The following SNTB1 variants were observed in gnomAD, a reference collection of about 807,000 sequenced individuals.
SNTB1 encodes syntrophin beta 1, also known as beta-1-syntrophin.
A neutral mutation model predicts 48.9 loss-of-function variants in SNTB1; 36 were observed. The observed-to-expected ratio is 0.74, with a 90% CI of 0.56 to 0.97. SNTB1 has a LOEUF of 0.97. SNTB1 is among the 50% of genes least tolerant of loss of function. The pLI, the probability that SNTB1 is intolerant of heterozygous loss-of-function variation, is 0.00. For synonymous variants in SNTB1, 299 were observed against 294.6 expected, an observed-to-expected ratio of 1.01 and a Z score of -0.15; for missense variants, 786 against 703.4, an observed-to-expected ratio of 1.12 and a Z score of -1.33.
At chr8:120,737,312 T>C (rs1014252624) in intron 1 of SNTB1, among the ~76,000 whole-genome samples, 24 of 152,078 alleles carry the variant, frequency 1.6e-4, no homozygotes, top group Non-Finnish European at 3.1e-4. Context: ...ATAAATTATA[T>C]ACAGCATGAA....
chr8:120,750,495 T>C (rs140449426), intron 1 of SNTB1, among the ~76,000 whole-genome samples: 44 of 152,300 alleles, frequency 2.9e-4, no homozygotes, highest in Middle Eastern at 3.4e-3. Flanking sequence ...CAAATTTGTC[T>C]TTTCATATTC....
chr8:120,551,301 T>C (rs1815476076), intron 4 of SNTB1, among the ~76,000 whole-genome samples: 1 of 149,412 alleles, frequency 6.7e-6, no homozygotes, highest in South Asian at 2.1e-4. Flanking sequence ...TGAGGTGCCA[T>C]GGTGTAATGG....
chr8:120,705,022 CTTCT>C (rs1818358665), intron 1 of SNTB1, among the ~76,000 whole-genome samples: 1 of 152,174 alleles, frequency 6.6e-6, no homozygotes. Context: ...GAGAGAAGTC[CTTCT>C]CTTTGCCTCC....
chr8:120,573,446 C>A (rs1018530126), intron 4 of SNTB1, among the ~76,000 whole-genome samples: 1 of 152,006 alleles, frequency 6.6e-6, no homozygotes, highest in Non-Finnish European at 1.5e-5. Flanking sequence ...TGGATATTAA[C>A]CTTTAATTAG....
intron 1 of SNTB1, among the ~76,000 whole-genome samples, chr8:120,780,147 C>G (rs1819810455): frequency 6.6e-6 from 1 of 150,768 alleles, no homozygotes; most frequent in South Asian, 2.1e-4. Flanking sequence ...TATCACAAAG[C>G]CAACAAGGCA....
rs1482134099 is a variant in SNTB1 at position 120,743,042 on chromosome 8, A to G, written c.572-49134T>C. Among the ~76,000 whole-genome samples the G allele has an allele frequency of 2.0e-5, 3 of 152,222 alleles. No individual in the cohort carries two copies. The East Asian group carries it at 5.8e-4, about 29-fold the overall frequency. ...TATTTAGAAAAAAGTAAAGTGAGGT[A>G]GGAGTCTACTGCAGGGAGCTCTCTG... is the stretch of plus-strand genomic sequence containing the variant. On this transcript the variant is annotated intron_variant, in intron 1 of 6. Coordinates refer to ENST00000517992, the MANE Select transcript of SNTB1 (RefSeq NM_021021.4).
intron 1 of SNTB1, among the ~76,000 whole-genome samples, chr8:120,719,881 C>T (rs1042373708): frequency 7.2e-5 from 11 of 152,234 alleles, no homozygotes; most frequent in African/African-American, 2.7e-4. Context: ...TTCTGTCTCT[C>T]ATGAAGAATT....
At chr8:120,672,696 A>T (rs537346518) in intron 2 of SNTB1, among the ~76,000 whole-genome samples, 1 of 152,364 alleles carries the variant, frequency 6.6e-6, no homozygotes, top group South Asian at 2.1e-4. Context: ...TATCAGAGCC[A>T]TTCAATCCAT....
intron 1 of SNTB1, among the ~76,000 whole-genome samples, chr8:120,788,080 C>A (rs1258775792): frequency 6.6e-6 from 1 of 152,086 alleles, no homozygotes; most frequent in African/African-American, 2.4e-5. Context: ...TCTTTAGTCT[C>A]CTTAAATAGA....
At chr8:120,750,747 A>G (rs1208665853) in intron 1 of SNTB1, among the ~76,000 whole-genome samples, 1 of 152,182 alleles carries the variant, frequency 6.6e-6, no homozygotes, top group Admixed American at 6.6e-5. Context: ...AGAGATAAGA[A>G]AGAGAAGAGG....
At chr8:120,664,870 C>T (rs1587072936) in intron 2 of SNTB1, among the ~76,000 whole-genome samples, 1 of 152,070 alleles carries the variant, frequency 6.6e-6, no homozygotes, top group Non-Finnish European at 1.5e-5. Flanking sequence ...AGTGACTGTA[C>T]CATTTTTCAT....
At chr8:120,781,787 G>C (rs1165021832) in intron 1 of SNTB1, among the ~76,000 whole-genome samples, 1 of 152,198 alleles carries the variant, frequency 6.6e-6, no homozygotes, top group African/African-American at 2.4e-5. Context: ...CATTAGAAAT[G>C]TCTAATGTTA....
intron 3 of SNTB1, among the ~76,000 whole-genome samples, chr8:120,612,085 G>A (rs1816636053): frequency 6.6e-6 from 1 of 152,068 alleles, no homozygotes; most frequent in African/African-American, 2.4e-5. Flanking sequence ...CCTGCAATTA[G>A]CTGCTAAAAT....
intron 1 of SNTB1, among the ~76,000 whole-genome samples, chr8:120,793,844 A>C (rs1182976735): frequency 6.6e-6 from 1 of 152,064 alleles, no homozygotes; most frequent in African/African-American, 2.4e-5. Context: ...CAAAATTATT[A>C]AGAGTTTTTG....
intron 1 of SNTB1, among the ~76,000 whole-genome samples, chr8:120,754,199 T>C (rs186363594): frequency 2.0e-5 from 3 of 152,164 alleles, no homozygotes; most frequent in East Asian, 1.9e-4. Context: ...TGGAATCATA[T>C]GGGGGAATAG....
intron 1 of SNTB1, among the ~76,000 whole-genome samples, chr8:120,705,776 A>G (rs1218440513): frequency 2.6e-5 from 4 of 152,214 alleles, no homozygotes; most frequent in African/African-American, 9.6e-5. Flanking sequence ...ACATTTCTTC[A>G]TTATTATATG....
chr8:120,539,346 G>A (rs1815248692), intron 6 of SNTB1, among the ~76,000 whole-genome samples: 1 of 152,144 alleles, frequency 6.6e-6, no homozygotes, highest in African/African-American at 2.4e-5. Context: ...TTTGAATCCT[G>A]GTTCTGACGC....
chr8:120,674,702 C>T (rs1210891682), intron 2 of SNTB1, among the ~76,000 whole-genome samples: 1 of 151,798 alleles, frequency 6.6e-6, no homozygotes, highest in Non-Finnish European at 1.5e-5. Flanking sequence ...GCTGTAATGG[C>T]AAGATTGGAG....
chr8:120,804,584 C>T (rs1820294985), intron 1 of SNTB1, among the ~76,000 whole-genome samples: 1 of 152,154 alleles, frequency 6.6e-6, no homozygotes, highest in African/African-American at 2.4e-5. Flanking sequence ...CACCTACTCT[C>T]TGGCACTTCC....
Sources: gnomAD v4.1 joint callset for allele counts (sites outside exome capture counted in the v4.1 genomes callset) on GRCh38, gnomAD v4.1.1 for gene constraint, MANE v1.5 for transcripts, NCBI Gene and HGNC (gene_info 2026-07-23, HGNC 2026-07-21) for gene names.